STXBP4: variants seen among roughly 807,000 people sequenced by gnomAD.
The protein encoded by STXBP4 is syntaxin-binding protein 4.
Under a neutral mutation model 76.1 loss-of-function variants are expected in STXBP4, and 55 were observed. The ratio of observed to expected loss-of-function variants is 0.72; its 90% CI spans 0.58 to 0.91. STXBP4 has a LOEUF of 0.91. STXBP4 is among the 40% of genes least tolerant of loss of function. The pLI is 0.00. For missense variants in STXBP4, 618 were observed against 636.9 expected, an observed-to-expected ratio of 0.97 and a Z score of 0.32; for synonymous variants, 201 against 220.2, an observed-to-expected ratio of 0.91 and a Z score of 0.77.
Position 55,073,039 on chromosome 17 carries a change from TA to T in STXBP4, c.1154del (p.Lys385ArgfsTer18), listed in dbSNP as rs761236955. 1 of 1,613,920 alleles carries T rather than the reference TA, an allele frequency of 6.2e-7. No homozygotes were observed. The highest frequency in any genetic ancestry group is 2.2e-5 in the East Asian group (1 of 44,868). On this transcript the variant is annotated frameshift_variant, in exon 13 of 18. Coordinates refer to ENST00000376352, the MANE Select transcript of STXBP4 (RefSeq NM_178509.6). LOFTEE classifies it high-confidence loss of function. ...CTGTTAGAGGCCAAGATTACAGAGC[TA>T]AAGGCTCAGCTTGCTGATTATTCTG... ...IRLLEAKITELKAQLADYSDQ... is the reference protein window; with the variant it reads ...IRLLEAKITEXKAQLADYSDQ...
chr17:55,199,815 A>T, the STXBP4 span, among the ~76,000 whole-genome samples: 1 of 152,176 alleles, frequency 6.6e-6, no homozygotes, highest in Non-Finnish European at 1.5e-5. Context: ...GCCCGGCATG[A>T]TCTAAGCTCT....
intron 16 of STXBP4, among the ~76,000 whole-genome samples, chr17:55,104,557 C>T (rs756613143): frequency 6.6e-5 from 10 of 151,940 alleles, no homozygotes; most frequent in East Asian, 1.9e-4. Context: ...TTTGCATTGT[C>T]GTTCATCAGG....
the STXBP4 span, among the ~76,000 whole-genome samples, chr17:55,188,313 A>G: frequency 6.6e-6 from 1 of 152,182 alleles, no homozygotes; most frequent in African/African-American, 2.4e-5. Flanking sequence ...TCCTCATCTG[A>G]AAAGAAGAAT....
intron 12 of STXBP4, among the ~76,000 whole-genome samples, chr17:55,055,768 G>A (rs927782742): frequency 6.6e-6 from 1 of 152,126 alleles, no homozygotes; most frequent in African/African-American, 2.4e-5. Flanking sequence ...CAGCTCATCT[G>A]GTCTCTTTGC....
Position 55,168,235 on chromosome 17 carries a change from G to A in STXBP4, c.*8324G>A, listed in dbSNP as rs572670782. On this transcript the variant is annotated 3_prime_UTR_variant, in exon 18 of 18. Transcript: ENST00000376352. Reference sequence around the variant, plus strand: ...TGTGTGTATATATATATATCTGTGTGTATATACACACCACACACACACACA... The same window carrying A: ...TGTGTGTATATATATATATCTGTGTATATATACACACCACACACACACACA... 2.5e-5 allele frequency: 2 copies of A among 79,120 alleles called. No individual in the cohort carries two copies. Among genetic ancestry groups the A allele is most frequent in the African/African-American group, 6.0e-5 (1 of 16,672 alleles). 4.9% of individuals were successfully genotyped at this position (79,120 alleles called of 1,614,324 possible). A position where few individuals can be genotyped will look rare whatever the true frequency, so the allele number is the denominator to read the frequency against.
At chr17:55,199,601 C>A in the STXBP4 span, among the ~76,000 whole-genome samples, 1 of 152,172 alleles carries the variant, frequency 6.6e-6, no homozygotes, top group Non-Finnish European at 1.5e-5. Context: ...GTGAATTCAT[C>A]CTAATCTTCA....
intron 13 of STXBP4, 26 bp from the exon 14 acceptor site, chr17:55,078,052 A>G: frequency 6.9e-7 from 1 of 1,451,070 alleles, no homozygotes; most frequent in Non-Finnish European, 9.5e-7. Context: ...AAATGTGTAA[A>G]TGCTCCTTTT....
intron 12 of STXBP4, among the ~76,000 whole-genome samples, chr17:55,053,327 G>A (rs747454765): frequency 1.3e-5 from 2 of 151,830 alleles, no homozygotes; most frequent in Non-Finnish European, 2.9e-5. Context: ...ACCCTCAGAT[G>A]GTTAAAAAAG....
At chr17:55,001,877 C>T (rs1003901092) in intron 7 of STXBP4, among the ~76,000 whole-genome samples, 2 of 152,192 alleles carry the variant, frequency 1.3e-5, no homozygotes, top group African/African-American at 4.8e-5. Context: ...CGTGATCTGC[C>T]TGCCTTGGCC....
chr17:55,006,702 T>C (rs1215497815), intron 7 of STXBP4, among the ~76,000 whole-genome samples: 2 of 152,192 alleles, frequency 1.3e-5, no homozygotes, highest in Non-Finnish European at 2.9e-5. Context: ...CTACTTGAAA[T>C]GTAACCTGTC....
intron 16 of STXBP4, among the ~76,000 whole-genome samples, chr17:55,097,977 A>G (rs1392674671): frequency 6.6e-6 from 1 of 152,170 alleles, no homozygotes; most frequent in African/African-American, 2.4e-5. Flanking sequence ...ATTATGGCTC[A>G]CATCTGGTAG....
intron 16 of STXBP4, among the ~76,000 whole-genome samples, chr17:55,097,491 G>A (rs565294331): frequency 1.2e-4 from 18 of 152,124 alleles, no homozygotes; most frequent in East Asian, 1.9e-4. Context: ...GTGAAACCCC[G>A]TCTCTACTAA....
intron 16 of STXBP4, among the ~76,000 whole-genome samples, chr17:55,090,865 G>C (rs796710312): frequency 1.7e-5 from 2 of 120,538 alleles, no homozygotes. Flanking sequence ...CTGTGTGTGT[G>C]TGTGTGTGTG....
intron 17 of STXBP4, among the ~76,000 whole-genome samples, chr17:55,152,170 G>A (rs969543325): frequency 2.6e-5 from 4 of 152,186 alleles, no homozygotes; most frequent in South Asian, 4.1e-4. Flanking sequence ...TATGACAATA[G>A]TAATGTATCA....
intron 7 of STXBP4, 122 bp from the exon 8 acceptor site, chr17:55,007,384 A>G: frequency 5.4e-6 from 4 of 736,022 alleles, no homozygotes; most frequent in Non-Finnish European, 9.3e-6. Flanking sequence ...AACAAAACTA[A>G]AAGCTGCTAA....
chr17:55,068,548 C>T (rs1056844135), intron 12 of STXBP4, among the ~76,000 whole-genome samples: 2 of 152,072 alleles, frequency 1.3e-5, no homozygotes, highest in African/African-American at 4.8e-5. Flanking sequence ...TGTTTCCAAA[C>T]AACTCTCCAA....
At chr17:55,211,095 C>T in the STXBP4 span, among the ~76,000 whole-genome samples, 4 of 148,704 alleles carry the variant, frequency 2.7e-5, no homozygotes, top group South Asian at 2.1e-4. Flanking sequence ...CGTGAAATGC[C>T]CCCCCCCATG....
intron 8 of STXBP4, among the ~76,000 whole-genome samples, chr17:55,030,278 C>T (rs2078483075): frequency 6.6e-6 from 1 of 152,166 alleles, no homozygotes; most frequent in Non-Finnish European, 1.5e-5. Flanking sequence ...AAAAGAACTG[C>T]TCAAATTCCA....
At chr17:55,021,670 T>C (rs181306273) in intron 8 of STXBP4, among the ~76,000 whole-genome samples, 1 of 152,290 alleles carries the variant, frequency 6.6e-6, no homozygotes, top group Admixed American at 6.5e-5. Flanking sequence ...GTGGATGTTA[T>C]TGTTTATTAT....
Sources: gnomAD v4.1 joint callset for allele counts (sites outside exome capture counted in the v4.1 genomes callset) on GRCh38, gnomAD v4.1.1 for gene constraint, MANE v1.5 for transcripts, NCBI Gene and HGNC (gene_info 2026-07-23, HGNC 2026-07-21) for gene names.